The following WWOX variants were observed in gnomAD, a reference collection of about 807,000 sequenced individuals.
WWOX encodes WW domain-containing oxidoreductase.
WWOX carries 69 observed loss-of-function variants against 46.2 expected under a neutral mutation model. That is an observed-to-expected ratio of 1.49 (90% CI 1.23 to 1.82). WWOX has a LOEUF of 1.82. WWOX is among the 40% of genes most tolerant of loss of function. The probability of loss-of-function intolerance (pLI) is 0.00; values close to 1 mark genes in which losing one functional copy is unlikely to be tolerated. For missense variants in WWOX, 919 were observed against 542.6 expected (o/e 1.69, Z -6.89); for synonymous variants, 359 against 202.6 (o/e 1.77, Z -6.56).
rs139279475 is a variant in WWOX, at chr16:78,484,019, T to C, written c.1056+51267T>C. Among the ~76,000 whole-genome samples, 282 of 152,320 alleles carry C rather than the reference T, an allele frequency of 1.9e-3. 1 individual carries two copies. The highest frequency in any genetic ancestry group is 6.6e-3 in the African/African-American group (273 of 41,588). On this transcript the variant is annotated intron_variant, in intron 8 of 8. Transcript: ENST00000566780. ...TACTTTTTAGACATAATTTTTGTTT[T>C]CTGTTAAAGGGTCAGTTATAGATAA...
chr16:78,265,398 C>T (rs1487248117), intron 5 of WWOX, among the ~76,000 whole-genome samples: 8 of 152,074 alleles, frequency 5.3e-5, no homozygotes, highest in South Asian at 4.2e-4. Flanking sequence ...TATCTTGGAA[C>T]GGGCAGGCGT....
At chr16:78,759,794 C>G (rs1378597950) in intron 8 of WWOX, among the ~76,000 whole-genome samples, 2 of 152,152 alleles carry the variant, frequency 1.3e-5, no homozygotes, top group African/African-American at 4.8e-5. Context: ...GAAGGTTTCG[C>G]TCCAGAGTGA....
At chr16:79,131,411 A>G (rs1033461512) in intron 8 of WWOX, among the ~76,000 whole-genome samples, 2 of 151,748 alleles carry the variant, frequency 1.3e-5, no homozygotes, top group African/African-American at 2.4e-5. Context: ...ATTCGGAGGG[A>G]AAAAAAATGT....
chr16:78,835,492 G>A (rs183642667), intron 8 of WWOX, among the ~76,000 whole-genome samples: 131 of 152,312 alleles, frequency 8.6e-4, no homozygotes, highest in African/African-American at 3.1e-3. Flanking sequence ...AGAAAGAGAA[G>A]GTGGAGTGAT....
At chr16:78,743,533 G>A (rs2049279767) in intron 8 of WWOX, among the ~76,000 whole-genome samples, 1 of 152,098 alleles carries the variant, frequency 6.6e-6, no homozygotes, top group South Asian at 2.1e-4. Flanking sequence ...GATTCACGTT[G>A]ACTTTGTATA....
intron 8 of WWOX, among the ~76,000 whole-genome samples, chr16:78,513,974 C>G (rs972229452): frequency 4.8e-5 from 7 of 146,280 alleles, no homozygotes; most frequent in Admixed American, 1.4e-4. Flanking sequence ...TTGCAGGTGT[C>G]TGTTACAAGT....
intron 8 of WWOX, among the ~76,000 whole-genome samples, chr16:78,772,555 C>T (rs1036260577): frequency 6.6e-6 from 1 of 152,102 alleles, no homozygotes; most frequent in African/African-American, 2.4e-5. Context: ...AAGTTATTAT[C>T]TTCCCTTTTG....
At chr16:78,759,788 G>A (rs1597563570) in intron 8 of WWOX, among the ~76,000 whole-genome samples, 1 of 152,128 alleles carries the variant, frequency 6.6e-6, no homozygotes, top group East Asian at 1.9e-4. Context: ...AGTTCTGAAG[G>A]TTTCGCTCCA....
intron 5 of WWOX, among the ~76,000 whole-genome samples, chr16:78,237,073 CAAAAAA>C (rs35866443): frequency 1.2e-4 from 10 of 80,822 alleles, no homozygotes; most frequent in Non-Finnish European, 1.9e-4. Flanking sequence ...GACTCCGTCT[CAAAAAA>C]AAAAAAAAAA....
At chr16:79,199,608 A>C (rs1196693691) in intron 8 of WWOX, among the ~76,000 whole-genome samples, 1 of 152,190 alleles carries the variant, frequency 6.6e-6, no homozygotes, top group Non-Finnish European at 1.5e-5. Context: ...GCAAGAGTTC[A>C]GCTAAAATTC....
rs529273006 is a variant in WWOX, at chr16:78,437,818, A to C, written c.1056+5066A>C. Reference sequence around the variant, plus strand: ...AATAATGAAGTCACATCATACGTGCATTACATGTTTATTTTCTTGACTCTA... The same window carrying C: ...AATAATGAAGTCACATCATACGTGCCTTACATGTTTATTTTCTTGACTCTA... On this transcript the variant is annotated intron_variant, in intron 8 of 8. Coordinates refer to ENST00000566780, the MANE Select transcript of WWOX (RefSeq NM_016373.4). 5.3e-5 allele frequency among the ~76,000 whole-genome samples: 8 copies of C among 152,350 alleles called. No homozygotes were observed. The South Asian group carries it at 1.7e-3, about 32-fold the overall frequency.
In WWOX at chr16:78,225,155, A is replaced by G. The variant is rs574590475; in HGVS notation, c.516+60866A>G. Among the ~76,000 whole-genome samples, 392 of 152,332 alleles carry G rather than the reference A, an allele frequency of 2.6e-3. 1 individual carries two copies. Among genetic ancestry groups the G allele is most frequent in the African/African-American group, 8.8e-3 (367 of 41,586 alleles). ...TAGATGGATAGCCTACTACACATCC[A>G]GGCTATATGGTATAGCCTCTTCCTC... On this transcript the variant is annotated intron_variant, in intron 5 of 8. Transcript: ENST00000566780.
intron 8 of WWOX, among the ~76,000 whole-genome samples, chr16:78,675,403 G>T (rs1041153245): frequency 6.6e-6 from 1 of 152,164 alleles, no homozygotes. Flanking sequence ...CATCTCTGCA[G>T]ACTAAAGTAC....
In WWOX at chr16:78,717,904, G is replaced by C. The variant is rs74029933; in HGVS notation, c.1056+285152G>C. ...GTGTACTGGTTTGAAACCTATTCAC[G>C]ACATAGTGGACCCAACACCAAGTGT... is the stretch of plus-strand genomic sequence containing the variant. On this transcript the variant is annotated intron_variant, in intron 8 of 8. Transcript: ENST00000566780. 1.9e-3 allele frequency among the ~76,000 whole-genome samples: 293 copies of C among 152,200 alleles called. 1 individual carries two copies. The highest frequency in any genetic ancestry group is 0.01 in the Middle Eastern group (3 of 294).
At chr16:78,287,741 A>T (rs996366710) in intron 5 of WWOX, among the ~76,000 whole-genome samples, 3 of 152,326 alleles carry the variant, frequency 2.0e-5, no homozygotes, top group Middle Eastern at 3.4e-3. Context: ...TAAACAAAAA[A>T]GTTACAGTGT....
intron 8 of WWOX, among the ~76,000 whole-genome samples, chr16:79,182,323 C>T (rs189361911): frequency 1.1e-3 from 172 of 152,216 alleles, no homozygotes; most frequent in Non-Finnish European, 2.0e-3. Flanking sequence ...GTCATCAAAA[C>T]GACCGGAAAT....
chr16:78,235,694 A>G (rs1715123513), intron 5 of WWOX, among the ~76,000 whole-genome samples: 1 of 151,586 alleles, frequency 6.6e-6, no homozygotes, highest in Non-Finnish European at 1.5e-5. Flanking sequence ...CCTTTTGGAC[A>G]AGGCTTTCCA....
chr16:79,128,298 C>A (rs74034991), intron 8 of WWOX, among the ~76,000 whole-genome samples: 3 of 150,812 alleles, frequency 2.0e-5, no homozygotes, highest in African/African-American at 7.3e-5. Flanking sequence ...TTCAGACAAA[C>A]ACTAATTTTG....
intron 4 of WWOX, chr16:78,119,098 A>C (rs2032962369): frequency 6.6e-6 from 1 of 152,272 alleles, no homozygotes; most frequent in Non-Finnish European, 1.5e-5. Context: ...GGAACCCCGC[A>C]GTCCTGAATG....
Sources: gnomAD v4.1 joint callset for allele counts (sites outside exome capture counted in the v4.1 genomes callset) on GRCh38, gnomAD v4.1.1 for gene constraint, MANE v1.5 for transcripts, NCBI Gene and HGNC (gene_info 2026-07-23, HGNC 2026-07-21) for gene names.